The following FGF14 variants were observed in gnomAD, a reference collection of about 807,000 sequenced individuals.
FGF14 encodes fibroblast growth factor 14.
FGF14 carries 5 observed loss-of-function variants against 25.5 expected under a neutral mutation model. The ratio of observed to expected loss-of-function variants is 0.20; its 90% CI spans 0.10 to 0.41. FGF14 has a LOEUF of 0.41. Ranked by LOEUF, FGF14 falls within the 10% of genes least tolerant of loss-of-function variation. The pLI is 1.00. For synonymous variants in FGF14, 138 were observed against 118.3 expected (o/e 1.17, Z -1.08); for missense variants, 222 against 320.1 (o/e 0.69, Z 2.34).
chr13:101,850,596 T>G (rs1177119283), intron 3 of FGF14, among the ~76,000 whole-genome samples: 20 of 132,374 alleles, frequency 1.5e-4, no homozygotes, highest in African/African-American at 5.2e-4. Context: ...ATATATTATA[T>G]AATTCTATAT....
intron 3 of FGF14, among the ~76,000 whole-genome samples, chr13:101,822,952 G>A (rs2042227867): frequency 6.6e-6 from 1 of 151,758 alleles, no homozygotes; most frequent in Non-Finnish European, 1.5e-5. Context: ...TTTTTTTTAA[G>A]CTCCCACACA....
rs188812276 is a variant in FGF14, at chr13:102,065,450, G to A, written c.209-190154C>T. Among the ~76,000 whole-genome samples, 1,068 of 152,110 alleles carry A rather than the reference G, an allele frequency of 7.0e-3. 5 individuals carry two copies. The highest frequency in any genetic ancestry group is 0.011 in the Non-Finnish European group (749 of 67,924). ...TTTAAAACACTCCAAGATATTTCTG[G>A]TACATTGGTATCCCTAGAGTTATGA... is the stretch of plus-strand genomic sequence containing the variant. On this transcript the variant is annotated intron_variant, in intron 1 of 4. Coordinates refer to the FGF14 transcript ENST00000376131.
chr13:101,794,940 C>T (rs1184879552), intron 3 of FGF14, among the ~76,000 whole-genome samples: 1 of 152,096 alleles, frequency 6.6e-6, no homozygotes, highest in African/African-American at 2.4e-5. Flanking sequence ...CTCTTTAGAA[C>T]TATATTTCTA....
intron 1 of FGF14, among the ~76,000 whole-genome samples, chr13:102,071,354 G>A (rs551472967): frequency 2.0e-5 from 3 of 152,254 alleles, no homozygotes; most frequent in Non-Finnish European, 4.4e-5. Flanking sequence ...ATGTGTCACA[G>A]GGAAGTTTCG....
chr13:102,164,157 T>C (rs1162865162), intron 1 of FGF14, among the ~76,000 whole-genome samples: 1 of 152,158 alleles, frequency 6.6e-6, no homozygotes, highest in East Asian at 1.9e-4. Context: ...CAAGTCACAA[T>C]GCCATAGGAC....
chr13:101,768,705 A>G (rs1298188436), intron 3 of FGF14, among the ~76,000 whole-genome samples: 1 of 152,186 alleles, frequency 6.6e-6, no homozygotes, highest in African/African-American at 2.4e-5. Flanking sequence ...GAACAAAAGC[A>G]ATACAATAAA....
At chr13:102,242,946 T>G (rs1566855135) in intron 1 of FGF14, among the ~76,000 whole-genome samples, 1 of 152,136 alleles carries the variant, frequency 6.6e-6, no homozygotes, top group African/African-American at 2.4e-5. Flanking sequence ...CCTCCTTTGC[T>G]TTTAGGTTTA....
intron 1 of FGF14, among the ~76,000 whole-genome samples, chr13:101,891,168 G>A (rs1359434901): frequency 6.6e-6 from 1 of 152,134 alleles, no homozygotes; most frequent in African/African-American, 2.4e-5. Flanking sequence ...AGAGAGGTGA[G>A]TATTTTGTGT....
At chr13:102,100,185 C>T (rs543425927) in intron 1 of FGF14, among the ~76,000 whole-genome samples, 33 of 152,262 alleles carry the variant, frequency 2.2e-4, no homozygotes, top group African/African-American at 7.5e-4. Context: ...TGCCTTGAAA[C>T]CCTCGAGACC....
At chr13:102,372,357 T>G (rs1365828242) in intron 1 of FGF14, among the ~76,000 whole-genome samples, 1 of 152,194 alleles carries the variant, frequency 6.6e-6, no homozygotes. Context: ...GAGGCCTATT[T>G]ATACTAACAG....
chr13:102,109,503 CACCATGTTGTAT>C (rs1228880031), intron 1 of FGF14, among the ~76,000 whole-genome samples: 3 of 152,058 alleles, frequency 2.0e-5, no homozygotes, highest in African/African-American at 7.2e-5. Flanking sequence ...TATATCAAAA[CACCATGTTGTAT>C]ACCATAAATA....
intron 1 of FGF14, among the ~76,000 whole-genome samples, chr13:102,210,197 G>A (rs2050101728): frequency 1.3e-5 from 2 of 151,622 alleles, no homozygotes; most frequent in Admixed American, 1.3e-4. Flanking sequence ...AGGTATGAAA[G>A]AGTGATCAAT....
intron 3 of FGF14, among the ~76,000 whole-genome samples, chr13:101,751,749 A>C (rs1594123350): frequency 6.6e-6 from 1 of 152,148 alleles, no homozygotes; most frequent in Non-Finnish European, 1.5e-5. Flanking sequence ...AGCAGTTGAG[A>C]CCATCTGACC....
At chr13:101,771,174 C>T (rs2038746225) in intron 3 of FGF14, among the ~76,000 whole-genome samples, 1 of 151,912 alleles carries the variant, frequency 6.6e-6, no homozygotes, top group Admixed American at 6.6e-5. Flanking sequence ...TATTCTTTCC[C>T]ATGGAAAGAT....
chr13:101,796,824 A>C (rs564855035), intron 3 of FGF14, among the ~76,000 whole-genome samples: 46 of 152,232 alleles, frequency 3.0e-4, no homozygotes, highest in African/African-American at 1.1e-3. Flanking sequence ...TTGGTAGTAC[A>C]TTGTTACGGC....
At chr13:102,074,752 T>A (rs374678950) in intron 1 of FGF14, among the ~76,000 whole-genome samples, 1 of 152,308 alleles carries the variant, frequency 6.6e-6, no homozygotes, top group African/African-American at 2.4e-5. Context: ...TTAAGTGCAA[T>A]TTATCCTAGG....
chr13:102,374,215 A>G (rs1302177702), intron 1 of FGF14, among the ~76,000 whole-genome samples: 1 of 152,138 alleles, frequency 6.6e-6, no homozygotes, highest in Non-Finnish European at 1.5e-5. Context: ...AGATGCTGCT[A>G]TTATTTACAC....
At chr13:102,398,275 G>A (rs1259462734) in intron 1 of FGF14, among the ~76,000 whole-genome samples, 1 of 152,028 alleles carries the variant, frequency 6.6e-6, no homozygotes, top group South Asian at 2.1e-4. Flanking sequence ...TAACTTTTGG[G>A]TAGATGAATA....
At chr13:102,017,725 C>T (rs1271592330) in intron 1 of FGF14, among the ~76,000 whole-genome samples, 7 of 152,172 alleles carry the variant, frequency 4.6e-5, no homozygotes, top group Non-Finnish European at 1.0e-4. Context: ...CTCATTATTC[C>T]GTTTTCCTGG....
Sources: allele counts gnomAD v4.1 joint callset (sites outside exome capture counted in the v4.1 genomes callset), GRCh38; gene constraint gnomAD v4.1.1; transcripts MANE v1.5; gene names NCBI Gene and HGNC (gene_info 2026-07-23, HGNC 2026-07-21).